ZFHX3: variants seen among roughly 807,000 people sequenced by gnomAD.
ZFHX3 encodes the protein zinc finger homeobox 3.
Under a neutral mutation model 279.1 loss-of-function variants are expected in ZFHX3, and 42 were observed. The observed-to-expected ratio is 0.15, with a 90% confidence interval of 0.12 to 0.19. The LOEUF (loss-of-function observed/expected upper bound fraction) is 0.19, where lower values mean the gene tolerates loss of function less well. Among genes scored for constraint, ZFHX3 ranks in the 10% least tolerant of loss-of-function variants. The probability of loss-of-function intolerance (pLI) is 1.00; values close to 1 mark genes in which losing one functional copy is unlikely to be tolerated. For missense variants in ZFHX3, 4,981 were observed against 4,754.0 expected (o/e 1.05, Z -1.40); for synonymous variants, 2,293 against 1,957.8 (o/e 1.17, Z -4.52).
At chr16:73,706,153 G>A (rs2053300831) in intron 1 of ZFHX3, among the ~76,000 whole-genome samples, 1 of 151,934 alleles carries the variant, frequency 6.6e-6, no homozygotes, top group South Asian at 2.1e-4. Context: ...AAAATAAACA[G>A]AATTAGAAAA....
At chr16:73,427,933 A>T (rs2017840731) in intron 3 of ZFHX3, among the ~76,000 whole-genome samples, 1 of 151,720 alleles carries the variant, frequency 6.6e-6, no homozygotes, top group Non-Finnish European at 1.5e-5. Context: ...ACAGAGCGAG[A>T]CTCTGTCTCA....
chr16:73,270,497 G>T (rs1419617378), intron 4 of ZFHX3, among the ~76,000 whole-genome samples: 1 of 152,196 alleles, frequency 6.6e-6, no homozygotes, highest in African/African-American at 2.4e-5. Context: ...CCAGCCCAGG[G>T]TCAAACACAA....
chr16:73,383,497 C>T (rs1469277177), intron 3 of ZFHX3, among the ~76,000 whole-genome samples: 1 of 152,126 alleles, frequency 6.6e-6, no homozygotes, highest in Non-Finnish European at 1.5e-5. Context: ...CGCACACAGA[C>T]GAGAGCTGCC....
At chr16:73,377,689 T>G (rs1366435503) in intron 3 of ZFHX3, among the ~76,000 whole-genome samples, 1 of 34,812 alleles carries the variant, frequency 2.9e-5, no homozygotes, top group Non-Finnish European at 6.9e-5. Context: ...CTCCTTTGTG[T>G]TTTTTTTTTC....
chr16:73,278,522 T>C (rs1337343440), intron 4 of ZFHX3, among the ~76,000 whole-genome samples: 2 of 152,066 alleles, frequency 1.3e-5, no homozygotes, highest in South Asian at 2.1e-4. Context: ...AGTAGCAAGG[T>C]TTATTGTGAA....
In ZFHX3 at chr16:72,960,213, G is replaced by T. The variant is rs1393805066; in HGVS notation, c.-49-19C>A. 8.1e-6 allele frequency: 12 copies of T among 1,481,100 alleles called. No homozygotes were observed. Among genetic ancestry groups the T allele is most frequent in the African/African-American group, 1.4e-5 (1 of 71,094 alleles). 91.7% of individuals were successfully genotyped at this position (1,481,100 alleles called of 1,614,324 possible). ...CTCGGACCTGAAGGGCAGAGGCAAG[G>T]GGGGAGGAGGGAGAGAGGGGAAAGA... On this transcript the variant is annotated intron_variant, in intron 1 of 9. Transcript: ENST00000268489.
At chr16:73,809,387 G>A (rs1265438657) in intron 1 of ZFHX3, 2 of 152,234 alleles carry the variant, frequency 1.3e-5, no homozygotes, top group African/African-American at 2.4e-5. Context: ...TTCCTCGGTA[G>A]GGAAAAGATG....
chr16:73,198,071 G>A (rs1968192529), intron 5 of ZFHX3, among the ~76,000 whole-genome samples: 2 of 151,706 alleles, frequency 1.3e-5, no homozygotes, highest in African/African-American at 4.8e-5. Flanking sequence ...CTGAGTAGCT[G>A]GGACTACAGG....
chr16:73,057,998 G>A (rs1262118640), intron 1 of ZFHX3, among the ~76,000 whole-genome samples: 1 of 147,562 alleles, frequency 6.8e-6, no homozygotes, highest in Non-Finnish European at 1.5e-5. Flanking sequence ...GGGAGCGGCG[G>A]GGGCGGGGGC....
chr16:73,822,646 C>T (rs328323), intron 1 of ZFHX3, among the ~76,000 whole-genome samples: 2,383 of 152,202 alleles, frequency 0.016, 77 homozygotes, highest in African/African-American at 0.053. Context: ...TCATCATTTA[C>T]TGTAAAGTGT....
rs769303726 is a variant in ZFHX3 at position 72,811,936 on chromosome 16, G to T, written c.3632C>A (p.Pro1211Gln). The change falls in exon 6 of 10, where the codon CCA becomes CAA. Residue 1211 changes from proline to glutamine, a missense_variant. Pro to Gln is a moderately conservative substitution (Grantham distance 76). This residue lies in a region of ZFHX3 where 1,751 missense variants were observed against 1,770.0 expected (regional missense o/e 0.99). Transcript: ENST00000268489. ...SSESPLSSKR[P>Q]KTAEEIKPEQ... ...CGGTTTGATCTCCTCAGCTGTTTTT[G>T]GTCGCTTCGAAGAGAGGGGAGACTC... 14 of 1,610,278 alleles carry T rather than the reference G, an allele frequency of 8.7e-6. No homozygotes were observed. The African/African-American group carries it at 1.9e-4, about 22-fold the overall frequency.
At chr16:73,397,620 G>C (rs1231550054) in intron 3 of ZFHX3, among the ~76,000 whole-genome samples, 1 of 152,192 alleles carries the variant, frequency 6.6e-6, no homozygotes, top group Non-Finnish European at 1.5e-5. Flanking sequence ...TCAGTGAGCA[G>C]TGATGGTGGC....
intron 4 of ZFHX3, among the ~76,000 whole-genome samples, chr16:72,843,097 G>A (rs1173923357): frequency 6.6e-6 from 1 of 152,148 alleles, no homozygotes; most frequent in African/African-American, 2.4e-5. Flanking sequence ...AAGGCTGTTC[G>A]CAAAAGCCTG....
At chr16:73,192,877 A>G (rs1968073447) in intron 5 of ZFHX3, among the ~76,000 whole-genome samples, 1 of 152,150 alleles carries the variant, frequency 6.6e-6, no homozygotes. Context: ...AACAGGGAAG[A>G]GCAAATGGTG....
At chr16:73,110,631 C>T (rs548140576) in intron 7 of ZFHX3, among the ~76,000 whole-genome samples, 16 of 152,228 alleles carry the variant, frequency 1.1e-4, no homozygotes, top group African/African-American at 3.9e-4. Flanking sequence ...TACAGTGGCT[C>T]GATCATAGCT....
At chr16:73,142,401 G>A (rs1034938066) in intron 6 of ZFHX3, among the ~76,000 whole-genome samples, 3 of 152,190 alleles carry the variant, frequency 2.0e-5, no homozygotes, top group African/African-American at 2.4e-5. Context: ...AATACCCGCC[G>A]TAGAGAAGAA....
chr16:73,586,707 T>G (rs1395875492), intron 2 of ZFHX3, among the ~76,000 whole-genome samples: 2 of 152,174 alleles, frequency 1.3e-5, no homozygotes, highest in Admixed American at 6.5e-5. Flanking sequence ...TTTATGTTAT[T>G]GGCAGATGAG....
chr16:73,483,477 A>C (rs1334154020), intron 2 of ZFHX3: 1 of 433,340 alleles, frequency 2.3e-6, no homozygotes. Context: ...CTGCCAATTC[A>C]AATGGCAGTT....
chr16:73,023,867 A>G (rs553096285), intron 1 of ZFHX3, among the ~76,000 whole-genome samples: 2 of 152,286 alleles, frequency 1.3e-5, no homozygotes, highest in South Asian at 4.1e-4. Context: ...ACAAAATGCA[A>G]GGGAGCTCCG....
Sources: allele counts gnomAD v4.1 joint callset (sites outside exome capture counted in the v4.1 genomes callset), GRCh38; gene constraint gnomAD v4.1.1; regional missense constraint gnomAD v4.1.1; transcripts MANE v1.5; gene names NCBI Gene and HGNC (gene_info 2026-07-23, HGNC 2026-07-21).